The following MBOAT7 variants were observed in gnomAD, a reference collection of about 807,000 sequenced individuals.
MBOAT7 encodes the protein membrane-bound acylglycerophosphatidylinositol O-acyltransferase MBOAT7.
Under a neutral mutation model 47.4 loss-of-function variants are expected in MBOAT7, and 40 were observed. The observed-to-expected ratio is 0.84, with a 90% CI of 0.66 to 1.10. MBOAT7 has a LOEUF of 1.10. Ranked by LOEUF, MBOAT7 falls within the 50% of genes least tolerant of loss-of-function variation. The pLI, the probability that MBOAT7 is intolerant of heterozygous loss-of-function variation, is 0.00. For synonymous variants in MBOAT7, 361 were observed against 292.0 expected (o/e 1.24, Z -2.41); for missense variants, 680 against 655.6 (o/e 1.04, Z -0.41).
intron 4 of MBOAT7, among the ~76,000 whole-genome samples, chr19:54,184,551 G>C (rs1394490181): frequency 1.3e-5 from 2 of 151,996 alleles, no homozygotes; most frequent in African/African-American, 2.4e-5. Context: ...ATGGCCTTGG[G>C]CTGGCTGTCA....
At chr19:54,174,906 A>T (rs2076043504) in intron 7 of MBOAT7, among the ~76,000 whole-genome samples, 1 of 151,566 alleles carries the variant, frequency 6.6e-6, no homozygotes, top group African/African-American at 2.4e-5. Flanking sequence ...TTCTTTAAAG[A>T]TTTAACATTT....
In MBOAT7 at chr19:54,174,335, C is replaced by G; in HGVS notation, c.1128G>C (p.Glu376Asp). The change falls in exon 8 of 8, where the codon GAG becomes GAC. Residue 376 changes from glutamate (E) to aspartate (D), a missense_variant. Physicochemically the swap from Glu to Asp is conservative, Grantham distance 45 (BLOSUM62 2). Coordinates refer to ENST00000245615, the MANE Select transcript of MBOAT7 (RefSeq NM_024298.5). ...CCCGCAGGGCTGACTCCAGCCGGCC[C>G]TCGGCAGCCAGGCACAGCGGGATGG... ...FLTIPLCLAA[E>D]GRLESALRGR... 6.2e-7 allele frequency: 1 copy of G among 1,613,104 alleles called. No individual in the cohort carries two copies. The highest frequency in any genetic ancestry group is 8.5e-7 in the Non-Finnish European group (1 of 1,179,550).
At chr19:54,184,919 A>AAAAG (rs2076390615) in intron 4 of MBOAT7, among the ~76,000 whole-genome samples, 1 of 149,430 alleles carries the variant, frequency 6.7e-6, no homozygotes, top group East Asian at 2.0e-4. Flanking sequence ...AAAAAAAAAA[A>AAAAG]AAATTTAGGG....
chr19:54,178,796 T>A lies in MBOAT7; in HGVS notation c.1000A>T (p.Lys334Ter). 1 of 1,613,394 alleles carries A rather than the reference T, an allele frequency of 6.2e-7. No individual in the cohort carries two copies. The highest frequency in any genetic ancestry group is 8.5e-7 in the Non-Finnish European group (1 of 1,180,006). The change falls in exon 7 of 8, where the codon AAG becomes TAG. Residue 334 changes from lysine (K) to a stop codon, truncating the protein, a stop_gained. Transcript: ENST00000245615. LOFTEE classifies it high-confidence loss of function. ...VQWWLAQYIY[K>*]SAPARSYVLR... Reference sequence around the variant, plus strand: ...ACATAGGAACGGGCAGGTGCGCTCTTGTAGATATACTGCGCCAGCCACCAC... The same window carrying A: ...ACATAGGAACGGGCAGGTGCGCTCTAGTAGATATACTGCGCCAGCCACCAC...
At position 54,183,621 on chromosome 19, in the gene MBOAT7, G is replaced by A. The variant is rs1382505570; in HGVS notation, c.393C>T (p.Ala131=). 2 of 1,605,664 alleles carry A rather than the reference G, an allele frequency of 1.2e-6. No homozygotes were observed. Among genetic ancestry groups the A allele is most frequent in the African/African-American group, 2.7e-5 (2 of 74,584 alleles). Residue 131 remains alanine (A), a synonymous_variant, in exon 5 of 8, where the codon GCC becomes GCT. Coordinates refer to ENST00000245615, the MANE Select transcript of MBOAT7 (RefSeq NM_024298.5). ...GGGTGGGCCCCTTGCTGAAGCCTGA[G>A]GCCATTTCCTTCCTCTGGGCCAGAT... ...DLHLAQRKEM[A]SGFSKGPTLG... is the part of the protein sequence containing the mutation.
At chr19:54,181,183 C>T in intron 5 of MBOAT7, 50 bp from the exon 6 acceptor site, 1 of 1,444,360 alleles carries the variant, frequency 6.9e-7, no homozygotes, top group Non-Finnish European at 9.1e-7. Context: ...GTGGGCAGAG[C>T]TCAAGTCTGC....
chr19:54,178,248 A>G, intron 7 of MBOAT7: 1 of 994,304 alleles, frequency 1.0e-6, no homozygotes, highest in Non-Finnish European at 1.2e-6. Flanking sequence ...TAACAGTGTC[A>G]AGCACAGAGT....
rs1338495171 is a variant in MBOAT7, at chr19:54,180,903, G to A, written c.724C>T (p.Arg242Cys). Residue 242 changes from arginine to cysteine, a missense_variant, in exon 6 of 8, where the codon CGC becomes TGC. Coordinates refer to ENST00000245615, the MANE Select transcript of MBOAT7 (RefSeq NM_024298.5). This position sits in a 1 kb window ranked among gnomAD's most constrained non-coding sequence, Gnocchi z 5.2. ...ATCCAGGCCACGTAGAAGCGCATGC[G>A]GAAGGCGAAGAAGACGGGGATCATG... ...FYMIPVFFAF[R>C]MRFYVAWIAA... 10 of 1,597,768 alleles carry A rather than the reference G, an allele frequency of 6.3e-6. No homozygotes were observed. The highest frequency in any genetic ancestry group is 2.7e-5 in the African/African-American group (2 of 74,860).
intron 5 of MBOAT7, 89 bp downstream of exon 5, chr19:54,183,432 T>C (rs2147008661): frequency 1.3e-6 from 2 of 1,485,486 alleles, no homozygotes; most frequent in Non-Finnish European, 1.8e-6. Context: ...GAGGTTGCCC[T>C]GGGCAGGGCG....
chr19:54,188,063 AAGAAAGAC>A (rs1249627865), intron 3 of MBOAT7, among the ~76,000 whole-genome samples, 146 bp downstream of exon 3: 1,985 of 57,292 alleles, frequency 0.035, 24 homozygotes, highest in South Asian at 0.077. Flanking sequence ...GAAAGAAAGA[AAGAAAGAC>A]AAACAAACAA....
chr19:54,188,035 A>AAGAAAGAAAGAG (rs2076490969), intron 3 of MBOAT7, among the ~76,000 whole-genome samples, 182 bp downstream of exon 3: 1 of 140,718 alleles, frequency 7.1e-6, no homozygotes, highest in African/African-American at 3.1e-5. Flanking sequence ...GAAAGAAAGA[A>AAGAAAGAAAGAG]AGAAAGAAAG....
chr19:54,176,645 G>A (rs999958589), intron 7 of MBOAT7, among the ~76,000 whole-genome samples: 1 of 152,156 alleles, frequency 6.6e-6, no homozygotes, highest in Non-Finnish European at 1.5e-5. Flanking sequence ...ATGTCTCCAG[G>A]GATTGCCATG....
rs759920987 is a variant in MBOAT7 at position 54,174,028 on chromosome 19, G to A, written c.*16C>T. ...GAATTCCCGGGACCAGCTGGCAGAG[G>A]GAGCGTCGTGACAGCTTACTCCTCC... On this transcript the variant is annotated 3_prime_UTR_variant, in exon 8 of 8. Coordinates refer to ENST00000245615, the MANE Select transcript of MBOAT7 (RefSeq NM_024298.5). 2 of 1,555,648 alleles carry A rather than the reference G, an allele frequency of 1.3e-6. No individual in the cohort carries two copies. The highest frequency in any genetic ancestry group is 1.4e-5 in the African/African-American group (1 of 72,178).
chr19:54,181,168 G>T, intron 5 of MBOAT7, 35 bp from the exon 6 acceptor site: 1 of 1,449,260 alleles, frequency 6.9e-7, no homozygotes. Flanking sequence ...CGGTCAGACA[G>T]GCAGGTGGGC....
chr19:54,177,972 G>A (rs1026654850), intron 7 of MBOAT7, among the ~76,000 whole-genome samples: 14 of 136,444 alleles, frequency 1.0e-4, no homozygotes, highest in Non-Finnish European at 7.7e-5. Flanking sequence ...GTGCAGTGGC[G>A]AGATCCCAGC....
chr19:54,175,083 C>G (rs927894161), intron 7 of MBOAT7, among the ~76,000 whole-genome samples: 1 of 150,656 alleles, frequency 6.6e-6, no homozygotes, highest in East Asian at 2.0e-4. Context: ...TCACGCCATT[C>G]TCCTGCCTCA....
intron 7 of MBOAT7, among the ~76,000 whole-genome samples, chr19:54,176,855 C>T (rs781166529): frequency 1.3e-5 from 2 of 151,950 alleles, no homozygotes; most frequent in Non-Finnish European, 2.9e-5. Flanking sequence ...GAGTTTGAGA[C>T]CAGCCTGGTC....
In MBOAT7 at chr19:54,173,913, G is replaced by A. The variant is rs1271536877; in HGVS notation, c.*131C>T. ...CCCGGGTCTGCTTCAGTTGCAGGCAGGGTATTTAGCTGGGGAAGAGGAAAT... is the reference window on the plus strand; with the variant it reads ...CCCGGGTCTGCTTCAGTTGCAGGCAAGGTATTTAGCTGGGGAAGAGGAAAT... On this transcript the variant is annotated 3_prime_UTR_variant, in exon 8 of 8. Transcript: ENST00000245615. 3.5e-6 allele frequency: 4 copies of A among 1,158,634 alleles called. No homozygotes were observed. In the African/African-American group the frequency reaches 4.8e-5, roughly 14 times the overall value. 71.8% of individuals were successfully genotyped at this position (1,158,634 alleles called of 1,614,324 possible).
rs1267005223 is a variant in MBOAT7 at position 54,183,648 on chromosome 19, C to T, written c.366G>A (p.Leu122=). The T allele has an allele frequency of 6.3e-7, 1 of 1,597,452 alleles. No individual in the cohort carries two copies. Among genetic ancestry groups the T allele is most frequent in the Non-Finnish European group, 8.5e-7 (1 of 1,172,630 alleles). The change falls in exon 5 of 8, where the codon CTG becomes CTA. Residue 122 remains leucine (L), a synonymous_variant. Coordinates refer to ENST00000245615, the MANE Select transcript of MBOAT7 (RefSeq NM_024298.5). ...LVSLASEVQD[L]HLAQRKEMAS... ...CCATTTCCTTCCTCTGGGCCAGATGCAGGTCCTGGACTTCACTGGCCAGGC... is the reference window on the plus strand; with the variant it reads ...CCATTTCCTTCCTCTGGGCCAGATGTAGGTCCTGGACTTCACTGGCCAGGC...
Sources: gnomAD v4.1 joint callset for allele counts (sites outside exome capture counted in the v4.1 genomes callset) on GRCh38, gnomAD v4.1.1 for gene constraint, Gnocchi (gnomAD v3.1) non-coding constraint, MANE v1.5 for transcripts, NCBI Gene and HGNC (gene_info 2026-07-23, HGNC 2026-07-21) for gene names.